Variants in ZNF324B observed in about 807,000 individuals in gnomAD.
ZNF324B encodes the protein zinc finger protein 324B.
ZNF324B carries 7 observed loss-of-function variants against 10.6 expected under a neutral mutation model. The observed-to-expected ratio is 0.66, with a 90% CI of 0.38 to 1.24. ZNF324B has a LOEUF of 1.24. Among genes scored for constraint, ZNF324B ranks in the 50% most tolerant of loss-of-function variants. The probability of loss-of-function intolerance (pLI) is 0.02; values close to 1 mark genes in which losing one functional copy is unlikely to be tolerated. For synonymous variants in ZNF324B, 316 were observed against 321.0 expected, an observed-to-expected ratio of 0.98 and a Z score of 0.17; for missense variants, 640 against 764.7, an observed-to-expected ratio of 0.84 and a Z score of 1.92.
intron 3 of ZNF324B, chr19:58,454,550 A>G: frequency 1.7e-6 from 1 of 587,358 alleles, no homozygotes; most frequent in East Asian, 2.8e-5. Context: ...GGGTTCACAC[A>G]GAAGGGCCTA....
the ZNF324B span, among the ~76,000 whole-genome samples, chr19:58,420,313 G>A: frequency 6.6e-6 from 1 of 152,088 alleles, no homozygotes; most frequent in Non-Finnish European, 1.5e-5. Flanking sequence ...CAGCTACTTG[G>A]GAGGCTGAGG....
At chr19:58,431,713 C>T in the ZNF324B span, among the ~76,000 whole-genome samples, 1 of 152,276 alleles carries the variant, frequency 6.6e-6, no homozygotes, top group Non-Finnish European at 1.5e-5. Context: ...AGGTGCCGGC[C>T]AGGTGCGGTG....
the ZNF324B span, among the ~76,000 whole-genome samples, chr19:58,420,310 T>C: frequency 6.6e-6 from 1 of 152,020 alleles, no homozygotes; most frequent in African/African-American, 2.4e-5. Flanking sequence ...TCCCAGCTAC[T>C]TGGGAGGCTG....
At chr19:58,447,257 C>T (rs746073728), upstream of ZNF324B, among the ~76,000 whole-genome samples, 18 of 152,204 alleles carry the variant, frequency 1.2e-4, no homozygotes, top group Admixed American at 9.8e-4. Context: ...GGATTACTGG[C>T]GTGAGCCACC....
At chr19:58,447,877 C>T (rs2052834954), upstream of ZNF324B, among the ~76,000 whole-genome samples, 1 of 152,170 alleles carries the variant, frequency 6.6e-6, no homozygotes. Context: ...GTGAATAAGT[C>T]TCAAGAGACC....
At chr19:58,420,149 T>C in the ZNF324B span, among the ~76,000 whole-genome samples, 1 of 152,142 alleles carries the variant, frequency 6.6e-6, no homozygotes, top group African/African-American at 2.4e-5. Flanking sequence ...CTGGGTGCAG[T>C]GGCTCACGCC....
At chr19:58,437,119 G>A in the ZNF324B span, 6 of 1,614,016 alleles carry the variant, frequency 3.7e-6, no homozygotes, top group African/African-American at 6.7e-5. Flanking sequence ...GCATCAAGGA[G>A]CTCCCACTCC....
the ZNF324B span, chr19:58,436,865 G>T: frequency 1.2e-6 from 1 of 851,446 alleles, no homozygotes; most frequent in Non-Finnish European, 2.0e-6. Flanking sequence ...GAAAGCTCAT[G>T]AGGCTGCTCA....
the ZNF324B span, chr19:58,434,062 C>T: frequency 2.5e-6 from 4 of 1,614,148 alleles, no homozygotes; most frequent in Non-Finnish European, 3.4e-6. Flanking sequence ...ACATTCACTG[C>T]ACTCAAAAGG....
At chr19:58,453,082 A>AAAATAAAT (rs34636971) in intron 1 of ZNF324B, 1,943 of 140,428 alleles carry the variant, frequency 0.014, 31 homozygotes, top group East Asian at 0.041. Context: ...CTCCAAAATA[A>AAAATAAAT]AAATAAATAA....
chr19:58,435,281 T>C, the ZNF324B span: 3 of 1,528,188 alleles, frequency 2.0e-6, no homozygotes, highest in African/African-American at 1.4e-5. Context: ...ATTAGAAATG[T>C]TACCCAGGAA....
chr19:58,426,776 T>G, the ZNF324B span, among the ~76,000 whole-genome samples: 1 of 152,320 alleles, frequency 6.6e-6, no homozygotes, highest in South Asian at 2.1e-4. Flanking sequence ...GGCAAGGAAC[T>G]GCCCAGTAGA....
At chr19:58,453,523 G>A (rs1443926965) in intron 1 of ZNF324B, among the ~76,000 whole-genome samples, 173 bp from the exon 2 acceptor site, 2 of 152,172 alleles carry the variant, frequency 1.3e-5, no homozygotes, top group South Asian at 2.1e-4. Flanking sequence ...GGACCAGGAG[G>A]GCAGAGGGGA....
upstream of ZNF324B, among the ~76,000 whole-genome samples, chr19:58,450,884 T>A (rs1258074074): frequency 1.3e-5 from 2 of 152,050 alleles, no homozygotes; most frequent in Non-Finnish European, 2.9e-5. Context: ...CTTAGATTGG[T>A]CCAGAGAAAA....
chr19:58,450,870 G>C (rs1390738387), upstream of ZNF324B, among the ~76,000 whole-genome samples: 1 of 152,178 alleles, frequency 6.6e-6, no homozygotes, highest in East Asian at 1.9e-4. Flanking sequence ...ATGTGTCAAA[G>C]ACACTTAGAT....
chr19:58,436,971 G>A, the ZNF324B span: 2 of 1,600,526 alleles, frequency 1.2e-6, no homozygotes, highest in South Asian at 2.2e-5. Context: ...ATCTGGCTTT[G>A]GGATGAACAG....
the ZNF324B span, among the ~76,000 whole-genome samples, chr19:58,424,192 T>C: frequency 6.6e-6 from 1 of 152,060 alleles, no homozygotes; most frequent in Non-Finnish European, 1.5e-5. Flanking sequence ...GAGGTTGCAG[T>C]GAGCTGAGAT....
the ZNF324B span, chr19:58,439,812 G>A: frequency 6.5e-7 from 1 of 1,544,864 alleles, no homozygotes; most frequent in Non-Finnish European, 8.7e-7. Flanking sequence ...TGTGGGCTGG[G>A]CAGGGCCATA....
At chr19:58,444,138 A>C in the ZNF324B span, 1 of 152,102 alleles carries the variant, frequency 6.6e-6, no homozygotes. Context: ...TGGCACCAGG[A>C]TGTATAGCTG....
Sources: allele counts gnomAD v4.1 joint callset (sites outside exome capture counted in the v4.1 genomes callset), GRCh38; gene constraint gnomAD v4.1.1; transcripts MANE v1.5; gene names NCBI Gene and HGNC (gene_info 2026-07-23, HGNC 2026-07-21).